AVEN: variants seen among roughly 807,000 people sequenced by gnomAD.
The protein encoded by AVEN is cell death regulator Aven.
In AVEN, 41 loss-of-function variants were observed where a neutral mutation model predicts 38.1. The ratio of observed to expected loss-of-function variants is 1.08; its 90% CI spans 0.84 to 1.40. The LOEUF (loss-of-function observed/expected upper bound fraction) is 1.40. Among genes scored for constraint, AVEN ranks in the 40% most tolerant of loss-of-function variants. AVEN has a pLI of 0.00. For synonymous variants in AVEN, 206 were observed against 171.8 expected (o/e 1.20, Z -1.56); for missense variants, 605 against 438.8 (o/e 1.38, Z -3.38).
downstream of AVEN, chr15:33,864,990 G>C (rs535761176): frequency 1.6e-4 from 99 of 621,374 alleles, no homozygotes; most frequent in Middle Eastern, 8.7e-4. Context: ...GCTGGGAATA[G>C]AGCAAGAATG....
chr15:33,860,583 T>G, intron 11 of AVEN: 1 of 1,559,568 alleles, frequency 6.4e-7, no homozygotes, highest in Admixed American at 1.9e-5. Flanking sequence ...GTCTTTGTAT[T>G]TAACATTCCA....
chr15:34,025,784 G>T (rs1898439204), intron 1 of AVEN, among the ~76,000 whole-genome samples: 1 of 125,782 alleles, frequency 8.0e-6, no homozygotes, highest in Non-Finnish European at 1.9e-5. Context: ...GTGTGTGTGT[G>T]CGCATGTGTA....
At chr15:33,985,485 A>T (rs1015561215) in intron 2 of AVEN, among the ~76,000 whole-genome samples, 1 of 151,522 alleles carries the variant, frequency 6.6e-6, no homozygotes, top group Non-Finnish European at 1.5e-5. Flanking sequence ...CCTGGGGGAG[A>T]TATTACCTCA....
chr15:34,035,810 T>C (rs1899089809), intron 1 of AVEN, among the ~76,000 whole-genome samples: 1 of 150,930 alleles, frequency 6.6e-6, no homozygotes, highest in South Asian at 2.1e-4. Flanking sequence ...AAGTTAGTTA[T>C]TTGAGACAGA....
At chr15:34,036,965 C>T (rs1168276414) in intron 1 of AVEN, among the ~76,000 whole-genome samples, 1 of 151,982 alleles carries the variant, frequency 6.6e-6, no homozygotes, top group African/African-American at 2.4e-5. Flanking sequence ...CAAAATTAGC[C>T]GGGCAAGGTG....
intron 2 of AVEN, among the ~76,000 whole-genome samples, chr15:33,880,746 GAA>G (rs1891451698): frequency 6.6e-6 from 1 of 151,760 alleles, no homozygotes; most frequent in Admixed American, 6.6e-5. Context: ...AAAACAAAGA[GAA>G]AAGAAAAAAG....
intron 1 of AVEN, among the ~76,000 whole-genome samples, chr15:34,017,543 T>A (rs571962203): frequency 6.8e-6 from 1 of 146,860 alleles, no homozygotes; most frequent in African/African-American, 2.5e-5. Flanking sequence ...AGTGCAGTAC[T>A]GCGATCAGCT....
intron 1 of AVEN, among the ~76,000 whole-genome samples, chr15:34,026,763 T>C (rs2684933): frequency 0.27 from 41,046 of 151,974 alleles, 7,219 homozygotes; most frequent in African/African-American, 0.48. Context: ...CAATTCCAAA[T>C]TGACAGTTTC....
chr15:33,903,203 A>C (rs1892557780), intron 2 of AVEN, among the ~76,000 whole-genome samples: 1 of 152,224 alleles, frequency 6.6e-6, no homozygotes, highest in African/African-American at 2.4e-5. Flanking sequence ...GATTATGCAG[A>C]ATCCATTCTT....
At chr15:33,950,147 G>A (rs1385364455) in intron 2 of AVEN, among the ~76,000 whole-genome samples, 2 of 152,202 alleles carry the variant, frequency 1.3e-5, no homozygotes, top group African/African-American at 4.8e-5. Flanking sequence ...TCACTTATAT[G>A]TGGACTAAGA....
rs1899312496 is a variant in AVEN, at chr15:34,038,900, TCCGCCTCCGTCC to T, written c.135_146del (p.Asp46_Gly49del). Reference sequence around the variant, plus strand: ...CCCGGCCACGGCCACGGCCCCGGCGTCCGCCTCCGTCCCCGCCGCCGCCTCCGCCGCCGCCTC... The same window carrying T: ...CCCGGCCACGGCCACGGCCCCGGCGTCCGCCGCCGCCTCCGCCGCCGCCTC... On this transcript the variant is annotated inframe_deletion, in exon 1 of 6. Coordinates refer to ENST00000306730, the MANE Select transcript of AVEN (RefSeq NM_020371.3). 7 of 1,121,314 alleles carry T rather than the reference TCCGCCTCCGTCC, an allele frequency of 6.2e-6. No homozygotes were observed. Among genetic ancestry groups the T allele is most frequent in the African/African-American group, 1.8e-5 (1 of 57,012 alleles). 69.5% of individuals were successfully genotyped at this position (1,121,314 alleles called of 1,614,324 possible).
chr15:33,883,969 C>T (rs115954219), intron 2 of AVEN, among the ~76,000 whole-genome samples: 5,725 of 152,252 alleles, frequency 0.038, 360 homozygotes, highest in African/African-American at 0.13. Flanking sequence ...GACCACACAG[C>T]CATTTAATGG....
chr15:33,874,394 C>A (rs1345655548), intron 3 of AVEN, among the ~76,000 whole-genome samples: 1 of 152,120 alleles, frequency 6.6e-6, no homozygotes, highest in African/African-American at 2.4e-5. Context: ...TCTGGCCACA[C>A]CCTTCTCTGA....
At chr15:33,885,094 C>G (rs1891650445) in intron 2 of AVEN, among the ~76,000 whole-genome samples, 1 of 152,166 alleles carries the variant, frequency 6.6e-6, no homozygotes, top group Non-Finnish European at 1.5e-5. Context: ...ACAGCCCCTG[C>G]AGAACATGTC....
At chr15:33,909,212 A>T (rs1892827647) in intron 2 of AVEN, among the ~76,000 whole-genome samples, 1 of 152,172 alleles carries the variant, frequency 6.6e-6, no homozygotes, top group Non-Finnish European at 1.5e-5. Flanking sequence ...TTAACATGTG[A>T]TTTTGTAGAA....
chr15:33,853,741 T>G, the AVEN span: 4 of 1,566,590 alleles, frequency 2.6e-6, no homozygotes, highest in African/African-American at 5.5e-5. Context: ...TCTTTGCTTT[T>G]CCATAGGAAA....
At chr15:33,973,671 A>T (rs1325698532) in intron 2 of AVEN, among the ~76,000 whole-genome samples, 3 of 152,204 alleles carry the variant, frequency 2.0e-5, no homozygotes, top group Non-Finnish European at 4.4e-5. Flanking sequence ...GCAAGACTCC[A>T]TCTCTATAAA....
At chr15:33,903,744 T>G (rs1299332469) in intron 2 of AVEN, among the ~76,000 whole-genome samples, 2 of 142,988 alleles carry the variant, frequency 1.4e-5, no homozygotes, top group Non-Finnish European at 3.1e-5. Context: ...TGTTTATAAG[T>G]GAATATATAT....
chr15:33,953,317 G>C (rs1041302258), intron 2 of AVEN, among the ~76,000 whole-genome samples: 1 of 151,838 alleles, frequency 6.6e-6, no homozygotes, highest in Non-Finnish European at 1.5e-5. Flanking sequence ...CCAAAAAAGA[G>C]CCCACATTGC....
Sources: gnomAD v4.1 joint callset for allele counts (sites outside exome capture counted in the v4.1 genomes callset) on GRCh38, gnomAD v4.1.1 for gene constraint, MANE v1.5 for transcripts, NCBI Gene and HGNC (gene_info 2026-07-23, HGNC 2026-07-21) for gene names.